GPM6A: variants seen among roughly 807,000 people sequenced by gnomAD.
The protein encoded by GPM6A is glycoprotein M6A, also known as neuronal membrane glycoprotein M6-a.
GPM6A carries 7 observed loss-of-function variants against 32.1 expected under a neutral mutation model. That is an observed-to-expected ratio of 0.22 (90% CI 0.12 to 0.41). GPM6A has a LOEUF of 0.41. Among genes scored for constraint, GPM6A ranks in the 10% least tolerant of loss-of-function variants. The pLI, the probability that GPM6A is intolerant of heterozygous loss-of-function variation, is 1.00. For missense variants in GPM6A, 235 were observed against 347.2 expected (o/e 0.68, Z 2.57); for synonymous variants, 130 against 123.4 (o/e 1.05, Z -0.35).
chr4:175,743,208 TG>T (rs1430712565), intron 1 of GPM6A, among the ~76,000 whole-genome samples: 1 of 151,436 alleles, frequency 6.6e-6, no homozygotes, highest in Admixed American at 6.6e-5. Flanking sequence ...AAAAAGTATG[TG>T]GTTCAAAATA....
intron 1 of GPM6A, among the ~76,000 whole-genome samples, chr4:175,709,911 A>C (rs1172105017): frequency 1.3e-5 from 2 of 151,992 alleles, no homozygotes; most frequent in Non-Finnish European, 2.9e-5. Context: ...AATAAAAAAC[A>C]CCAGGGAAAT....
intron 1 of GPM6A, among the ~76,000 whole-genome samples, chr4:175,789,705 A>T (rs547903422): frequency 6.6e-6 from 1 of 152,290 alleles, no homozygotes; most frequent in African/African-American, 2.4e-5. Flanking sequence ...ATAGAAGAAA[A>T]AAGATATTAG....
chr4:175,744,370 G>A (rs891551905), intron 1 of GPM6A, among the ~76,000 whole-genome samples: 11 of 151,936 alleles, frequency 7.2e-5, no homozygotes, highest in Non-Finnish European at 8.8e-5. Context: ...GTGTTCCAGG[G>A]AAATTCATAG....
At chr4:175,759,734 A>G (rs1460113409) in intron 1 of GPM6A, among the ~76,000 whole-genome samples, 1 of 152,206 alleles carries the variant, frequency 6.6e-6, no homozygotes, top group Non-Finnish European at 1.5e-5. Context: ...TTGAAATTTT[A>G]CCATGATTAT....
chr4:175,895,944 T>C (rs1402723877), intron 1 of GPM6A, among the ~76,000 whole-genome samples: 1 of 152,228 alleles, frequency 6.6e-6, no homozygotes, highest in Non-Finnish European at 1.5e-5. Context: ...ACATTGGCTT[T>C]TATTAATCCT....
At chr4:175,981,391 G>C (rs957240558) in intron 1 of GPM6A, among the ~76,000 whole-genome samples, 11 of 152,120 alleles carry the variant, frequency 7.2e-5, no homozygotes, top group Non-Finnish European at 1.5e-4. Context: ...AAATTGTCTT[G>C]TCCATCTGTA....
At chr4:175,743,532 C>A (rs1049041830) in intron 1 of GPM6A, among the ~76,000 whole-genome samples, 2 of 151,714 alleles carry the variant, frequency 1.3e-5, no homozygotes, top group Non-Finnish European at 2.9e-5. Flanking sequence ...TAGGCATGGA[C>A]CTCGATTATT....
intron 1 of GPM6A, among the ~76,000 whole-genome samples, chr4:175,897,464 G>T (rs1432263217): frequency 6.6e-6 from 1 of 152,130 alleles, no homozygotes; most frequent in Non-Finnish European, 1.5e-5. Context: ...ATTGAGAAGG[G>T]GAGAGGTGAG....
intron 1 of GPM6A, among the ~76,000 whole-genome samples, chr4:175,746,470 A>G (rs1579453263): frequency 6.6e-6 from 1 of 152,200 alleles, no homozygotes; most frequent in Non-Finnish European, 1.5e-5. Context: ...TTAAAAGACC[A>G]GATTTAAAAT....
intron 2 of GPM6A, among the ~76,000 whole-genome samples, chr4:175,683,561 A>G (rs1743803237): frequency 6.6e-6 from 1 of 152,056 alleles, no homozygotes; most frequent in East Asian, 1.9e-4. Context: ...ATAATCCCCA[A>G]TAATGAAGGT....
At chr4:175,693,247 T>C (rs1281278741) in intron 2 of GPM6A, among the ~76,000 whole-genome samples, 1 of 149,844 alleles carries the variant, frequency 6.7e-6, no homozygotes, top group Non-Finnish European at 1.5e-5. Flanking sequence ...AGACATAAGA[T>C]TAGCCTAAAT....
chr4:175,810,956 A>G (rs1191204717), intron 1 of GPM6A, among the ~76,000 whole-genome samples: 1 of 152,162 alleles, frequency 6.6e-6, no homozygotes, highest in Non-Finnish European at 1.5e-5. Context: ...ATTATCATGA[A>G]TAAGGGTACT....
chr4:175,988,929 G>A (rs1741057104), intron 1 of GPM6A, among the ~76,000 whole-genome samples: 1 of 152,138 alleles, frequency 6.6e-6, no homozygotes. Flanking sequence ...TACAGCCATT[G>A]GGACAGAAGA....
intron 1 of GPM6A, among the ~76,000 whole-genome samples, chr4:175,783,302 T>A (rs550184289): frequency 3.3e-5 from 5 of 152,008 alleles, no homozygotes; most frequent in South Asian, 4.1e-4. Context: ...ATAATTTTTT[T>A]AAAAATAATG....
chr4:175,951,065 C>T (rs974434378), intron 1 of GPM6A, among the ~76,000 whole-genome samples: 5 of 152,036 alleles, frequency 3.3e-5, no homozygotes, highest in Non-Finnish European at 7.4e-5. Flanking sequence ...CAAGTGACCA[C>T]TGGGAAAGGG....
intron 1 of GPM6A, among the ~76,000 whole-genome samples, chr4:175,732,412 A>G (rs779429593): frequency 3.9e-5 from 6 of 151,996 alleles, no homozygotes; most frequent in South Asian, 4.1e-4. Context: ...TAAATTCCAG[A>G]GCTGTATAAC....
chr4:175,919,180 T>C (rs866760791), intron 1 of GPM6A, among the ~76,000 whole-genome samples: 70 of 152,180 alleles, frequency 4.6e-4, no homozygotes, highest in South Asian at 6.2e-4. Context: ...TCAACCCTTC[T>C]CATGATTTTT....
intron 4 of GPM6A, among the ~76,000 whole-genome samples, chr4:175,648,506 T>C (rs927042472): frequency 4.6e-5 from 7 of 152,316 alleles, no homozygotes; most frequent in African/African-American, 1.7e-4. Context: ...TGGCTTTCGA[T>C]ACTGTATCTG....
intron 6 of GPM6A, among the ~76,000 whole-genome samples, chr4:175,636,283 TA>T (rs1740598116): frequency 7.2e-6 from 1 of 138,538 alleles, no homozygotes; most frequent in African/African-American, 2.6e-5. Context: ...TATATATATA[TA>T]TATATATATA....
Sources: allele counts gnomAD v4.1 joint callset (sites outside exome capture counted in the v4.1 genomes callset), GRCh38; gene constraint gnomAD v4.1.1; transcripts MANE v1.5; gene names NCBI Gene and HGNC (gene_info 2026-07-23, HGNC 2026-07-21).